CAMSAP2: variants seen among roughly 807,000 people sequenced by gnomAD.
CAMSAP2 encodes the protein calmodulin-regulated spectrin-associated protein 2.
A neutral mutation model predicts 146.1 loss-of-function variants in CAMSAP2; 26 were observed. The observed-to-expected ratio is 0.18, with a 90% CI of 0.13 to 0.25. The LOEUF is 0.25. Among genes scored for constraint, CAMSAP2 ranks in the 10% least tolerant of loss-of-function variants. The probability of loss-of-function intolerance (pLI) is 1.00; values close to 1 mark genes in which losing one functional copy is unlikely to be tolerated. For missense variants in CAMSAP2, 1,381 were observed against 1,759.3 expected, an observed-to-expected ratio of 0.78 and a Z score of 3.85; for synonymous variants, 499 against 596.6, an observed-to-expected ratio of 0.84 and a Z score of 2.38.
intron 6 of CAMSAP2, among the ~76,000 whole-genome samples, chr1:200,836,997 G>A (rs958694171): frequency 6.6e-6 from 1 of 151,404 alleles, no homozygotes; most frequent in African/African-American, 2.4e-5. Flanking sequence ...ATGAGACCTT[G>A]GTCAGATGCA....
intron 1 of CAMSAP2, among the ~76,000 whole-genome samples, chr1:200,759,318 T>A (rs1664735875): frequency 3.3e-5 from 5 of 151,746 alleles, no homozygotes; most frequent in Admixed American, 2.6e-4. Context: ...TCACTCTTGT[T>A]GCCCAAGCTG....
At position 200,755,028 on chromosome 1, in the gene CAMSAP2, C is replaced by T. The variant is rs544981417; in HGVS notation, c.140-5811C>T. On this transcript the variant is annotated intron_variant, in intron 1 of 16. Transcript: ENST00000358823. ...CAATGGCATCCCCTTCCATCTGGATCCTGTGTTCTTTTGACATGGCTCCAT... is the reference window on the plus strand; with the variant it reads ...CAATGGCATCCCCTTCCATCTGGATTCTGTGTTCTTTTGACATGGCTCCAT... Among the ~76,000 whole-genome samples the T allele has an allele frequency of 5.3e-5, 8 of 152,306 alleles. No individual in the cohort carries two copies. In the South Asian group the frequency reaches 1.7e-3, roughly 32 times the overall value.
At chr1:200,750,604 AAG>A (rs1053051225) in intron 1 of CAMSAP2, among the ~76,000 whole-genome samples, 1 of 150,198 alleles carries the variant, frequency 6.7e-6, no homozygotes, top group Non-Finnish European at 1.5e-5. Context: ...TGTAGAGAGA[AAG>A]AGATAGATAG....
At chr1:200,798,600 A>G (rs2103038867) in intron 2 of CAMSAP2, among the ~76,000 whole-genome samples, 1 of 142,338 alleles carries the variant, frequency 7.0e-6, no homozygotes, top group African/African-American at 2.7e-5. Context: ...ATATACAATC[A>G]TGTCGTCTGC....
rs756461058 is a variant in CAMSAP2 at position 200,849,909 on chromosome 1, A to G, written c.3140A>G (p.Lys1047Arg). 2 of 1,614,048 alleles carry G rather than the reference A, an allele frequency of 1.2e-6. No homozygotes were observed. Among genetic ancestry groups the G allele is most frequent in the East Asian group, 2.2e-5 (1 of 44,896 alleles). Residue 1047 changes from lysine to arginine, a missense_variant, in exon 11 of 17, where the codon AAA becomes AGA. By Grantham distance (26) the Lys-to-Arg change is conservative (BLOSUM62 2). Coordinates refer to ENST00000358823, the MANE Select transcript of CAMSAP2 (RefSeq NM_203459.4). This position sits in a 1 kb window ranked among gnomAD's most constrained non-coding sequence, Gnocchi z 6.3. ...EEVKKEELES[K>R]GTLEQRGHNP... Reference sequence around the variant, plus strand: ...GTTAAAAAGGAGGAATTGGAATCCAAAGGGACTTTGGAACAGCGTGGACAT... The same window carrying G: ...GTTAAAAAGGAGGAATTGGAATCCAGAGGGACTTTGGAACAGCGTGGACAT...
intron 3 of CAMSAP2, among the ~76,000 whole-genome samples, chr1:200,812,579 G>T (rs1202484126): frequency 1.3e-5 from 2 of 151,814 alleles, no homozygotes; most frequent in African/African-American, 4.8e-5. Context: ...TCTCCTTCTG[G>T]CTCTTGTTTT....
rs79456176 is a variant in CAMSAP2 at position 200,807,372 on chromosome 1, T to G, written c.400-4T>G. The G allele has an allele frequency of 0.048, 71,837 of 1,488,316 alleles. 1,909 individuals carry two copies. Among genetic ancestry groups the G allele is most frequent in the Non-Finnish European group, 0.055 (61,622 of 1,113,796 alleles). 92.2% of individuals were successfully genotyped at this position (1,488,316 alleles called of 1,614,324 possible). ...AACTATTTGTTCTTGTTTTATATTT[T>G]CAGAGTGCACATTTGGCCATGATCG... On this transcript the variant is annotated splice_region_variant and splice_polypyrimidine_tract_variant and intron_variant, in intron 2 of 16. Transcript: ENST00000358823.
chr1:200,789,250 A>G (rs1665681499), intron 2 of CAMSAP2, among the ~76,000 whole-genome samples: 1 of 152,106 alleles, frequency 6.6e-6, no homozygotes. Context: ...CTAAGAAGTC[A>G]TTGCCAAGCC....
At chr1:200,772,588 G>A (rs1344695827) in intron 2 of CAMSAP2, among the ~76,000 whole-genome samples, 5 of 152,034 alleles carry the variant, frequency 3.3e-5, no homozygotes, top group South Asian at 2.1e-4. Flanking sequence ...CAGCCTGTGC[G>A]ACAGAGGGAG....
At chr1:200,787,083 G>T (rs1256373942) in intron 2 of CAMSAP2, among the ~76,000 whole-genome samples, 1 of 152,026 alleles carries the variant, frequency 6.6e-6, no homozygotes, top group Non-Finnish European at 1.5e-5. Flanking sequence ...TCACCCAAGA[G>T]CTGTGATGGA....
chr1:200,831,926 G>T (rs4915209), intron 4 of CAMSAP2, among the ~76,000 whole-genome samples: 43,954 of 151,946 alleles, frequency 0.29, 7,219 homozygotes, highest in Non-Finnish European at 0.38. Flanking sequence ...TCTGTTTTGT[G>T]ATGCTTTTAT....
At position 200,853,442 on chromosome 1, in the gene CAMSAP2, C is replaced by T; in HGVS notation, c.3770C>T (p.Ser1257Phe). ...VVKQKKQRPK[S>F]IHRDHIESPK... The stretch of plus-strand genomic sequence containing the variant: ...AAACAAAAAAAACAGCGACCAAAAT[C>T]TATTCACAGAGATCATATTGAATCC... The change falls in exon 13 of 17, where the codon TCT (serine) becomes TTT (phenylalanine). Residue 1257 changes from serine (S) to phenylalanine (F), a missense_variant. Around this residue, in one of 4 missense-constraint regions of CAMSAP2, gnomAD observed 560 missense variants for 715.9 expected, o/e 0.78. Transcript: ENST00000358823. This position sits in a 1 kb window ranked among gnomAD's most constrained non-coding sequence, Gnocchi z 5.1. 2 of 1,613,828 alleles carry T rather than the reference C, an allele frequency of 1.2e-6. No individual in the cohort carries two copies. Among genetic ancestry groups the T allele is most frequent in the Non-Finnish European group, 1.7e-6 (2 of 1,179,884 alleles).
intron 4 of CAMSAP2, among the ~76,000 whole-genome samples, chr1:200,817,278 ATATT>A (rs1309210260): frequency 6.8e-6 from 1 of 147,748 alleles, no homozygotes; most frequent in Non-Finnish European, 1.5e-5. Context: ...ACATATATAT[ATATT>A]TTCCCAGAAT....
chr1:200,841,965 G>A (rs1479086072), intron 6 of CAMSAP2, 29 bp from the exon 7 acceptor site: 1 of 1,484,642 alleles, frequency 6.7e-7, no homozygotes, highest in Non-Finnish European at 9.4e-7. Context: ...TTTACCTAAT[G>A]TAGGCTTTCT....
chr1:200,760,912 T>A lies in CAMSAP2; in HGVS notation c.213T>A (p.Val71=). 1 of 1,614,180 alleles carries A rather than the reference T, an allele frequency of 6.2e-7. No homozygotes were observed. Among genetic ancestry groups the A allele is most frequent in the Non-Finnish European group, 8.5e-7 (1 of 1,180,016 alleles). The stretch of plus-strand genomic sequence containing the variant: ...ACCAGGAACACATCAAACCACCTGT[T>A]GTTAATTTGCTTCTATCGGCTGAAC... ...QYDQEHIKPP[V]VNLLLSAELY... is the part of the protein sequence containing the mutation. Residue 71 remains valine, a synonymous_variant, in exon 2 of 17, where the codon GTT becomes GTA. Coordinates refer to ENST00000358823, the MANE Select transcript of CAMSAP2 (RefSeq NM_203459.4).
chr1:200,857,924 T>C lies in CAMSAP2; in HGVS notation c.4302T>C (p.Asn1434=). Residue 1434 remains asparagine, a synonymous_variant, in exon 17 of 17, where the codon AAT becomes AAC. Coordinates refer to ENST00000358823, the MANE Select transcript of CAMSAP2 (RefSeq NM_203459.4). The surrounding 1 kb of genome is among the most constrained non-coding windows in gnomAD (Gnocchi z 4.7). ...TGATTGAAGGACTTTACAAATATAA[T>C]TCTGACAGGAAACAGTTTAGCCACA... The part of the protein sequence containing the change: ...KKMIEGLYKY[N]SDRKQFSHIP... 1 of 1,613,924 alleles carries C rather than the reference T, an allele frequency of 6.2e-7. No individual in the cohort carries two copies. The highest frequency in any genetic ancestry group is 8.5e-7 in the Non-Finnish European group (1 of 1,179,850).
chr1:200,804,171 C>G (rs1240210256), intron 2 of CAMSAP2, among the ~76,000 whole-genome samples: 1 of 152,096 alleles, frequency 6.6e-6, no homozygotes, highest in African/African-American at 2.4e-5. Context: ...TGTGATCTGC[C>G]CACCTCGGCC....
At chr1:200,785,170 G>A (rs1055211634) in intron 2 of CAMSAP2, among the ~76,000 whole-genome samples, 1 of 152,072 alleles carries the variant, frequency 6.6e-6, no homozygotes, top group African/African-American at 2.4e-5. Flanking sequence ...ATTTTCTCAA[G>A]GGTGTTTACA....
At chr1:200,838,602 C>CTA (rs1487322303) in intron 6 of CAMSAP2, among the ~76,000 whole-genome samples, 1 of 152,028 alleles carries the variant, frequency 6.6e-6, no homozygotes, top group Non-Finnish European at 1.5e-5. Flanking sequence ...TAGACTTTAT[C>CTA]ATCTGGAGGG....
Sources: allele counts gnomAD v4.1 joint callset (sites outside exome capture counted in the v4.1 genomes callset), GRCh38; gene constraint gnomAD v4.1.1; regional missense constraint gnomAD v4.1.1; non-coding constraint Gnocchi (gnomAD v3.1); transcripts MANE v1.5; gene names NCBI Gene and HGNC (gene_info 2026-07-23, HGNC 2026-07-21).